PTPRN2: variants seen among roughly 807,000 people sequenced by gnomAD.
PTPRN2 encodes protein tyrosine phosphatase receptor type N2.
PTPRN2 carries 74 observed loss-of-function variants against 118.8 expected under a neutral mutation model. That is an observed-to-expected ratio of 0.62 (90% CI 0.52 to 0.76). PTPRN2 has a LOEUF of 0.76. Among genes scored for constraint, PTPRN2 ranks in the 30% least tolerant of loss-of-function variants. The probability of loss-of-function intolerance (pLI) is 0.00; values close to 1 mark genes in which losing one functional copy is unlikely to be tolerated. For missense variants in PTPRN2, 1,481 were observed against 1,394.4 expected (o/e 1.06, Z -0.99); for synonymous variants, 641 against 608.0 (o/e 1.05, Z -0.80).
At chr7:157,762,795 A>C (rs1802220616) in intron 12 of PTPRN2, among the ~76,000 whole-genome samples, 1 of 152,050 alleles carries the variant, frequency 6.6e-6, no homozygotes, top group Non-Finnish European at 1.5e-5. Context: ...CAAAGGAGAG[A>C]GGTGGGAGCA....
At chr7:158,333,517 C>T (rs1157540339) in intron 2 of PTPRN2, among the ~76,000 whole-genome samples, 1 of 149,302 alleles carries the variant, frequency 6.7e-6, no homozygotes, top group Non-Finnish European at 1.5e-5. Context: ...CACACTCTCA[C>T]CATAAGACCT....
intron 3 of PTPRN2, among the ~76,000 whole-genome samples, chr7:158,241,413 T>C (rs988363345): frequency 6.6e-6 from 1 of 151,822 alleles, no homozygotes; most frequent in Non-Finnish European, 1.5e-5. Flanking sequence ...ACCCAGGAGG[T>C]TGAGGCAGGA....
chr7:157,882,307 A>G (rs1430127976), intron 12 of PTPRN2, among the ~76,000 whole-genome samples: 1 of 151,782 alleles, frequency 6.6e-6, no homozygotes, highest in East Asian at 1.9e-4. Context: ...CCCAAAAATG[A>G]CTATCAGAGA....
intron 12 of PTPRN2, among the ~76,000 whole-genome samples, chr7:157,709,493 G>A (rs1012526645): frequency 2.0e-4 from 30 of 152,140 alleles, no homozygotes; most frequent in African/African-American, 6.5e-4. Context: ...TCTAGAGCAC[G>A]AAGTGAGTGA....
At chr7:157,759,621 CG>C (rs1802014679) in intron 12 of PTPRN2, among the ~76,000 whole-genome samples, 2 of 152,172 alleles carry the variant, frequency 1.3e-5, no homozygotes, top group Admixed American at 1.3e-4. Context: ...GCTCACTGTC[CG>C]GGGCGGCCTG....
chr7:157,578,222 A>G, intron 17 of PTPRN2, 82 bp from the exon 18 acceptor site: 1 of 1,443,864 alleles, frequency 6.9e-7, no homozygotes, highest in Non-Finnish European at 9.3e-7. Flanking sequence ...TCGGAAGCAC[A>G]GTCCAAATTT....
intron 12 of PTPRN2, among the ~76,000 whole-genome samples, chr7:157,796,233 C>T (rs906863152): frequency 2.0e-5 from 3 of 152,228 alleles, no homozygotes; most frequent in Admixed American, 6.5e-5. Flanking sequence ...AGTATTGATG[C>T]GAGGACTTGT....
Position 158,072,242 on chromosome 7 carries a change from T to C in PTPRN2, c.1723+9056A>G, listed in dbSNP as rs147806804. 1.1e-4 allele frequency among the ~76,000 whole-genome samples: 17 copies of C among 152,284 alleles called. 1 individual carries two copies. In the East Asian group the frequency reaches 3.3e-3, roughly 29 times the overall value. The stretch of plus-strand genomic sequence containing the variant: ...TGTCCAATAATGCAAATACGTAGAA[T>C]GCTGTCCTGGCCGATAAGTCCGAGG... On this transcript the variant is annotated intron_variant, in intron 11 of 22. Coordinates refer to ENST00000389418, the MANE Select transcript of PTPRN2 (RefSeq NM_002847.5).
At chr7:157,706,789 A>G (rs1404814426) in intron 12 of PTPRN2, among the ~76,000 whole-genome samples, 1 of 152,078 alleles carries the variant, frequency 6.6e-6, no homozygotes, top group Non-Finnish European at 1.5e-5. Flanking sequence ...AATGCTGGGA[A>G]CTGGGTGAAT....
intron 10 of PTPRN2, among the ~76,000 whole-genome samples, chr7:158,102,954 C>A (rs1815362702): frequency 6.6e-6 from 1 of 152,150 alleles, no homozygotes; most frequent in South Asian, 2.1e-4. Context: ...AGAGCTGAGT[C>A]CTAGACAGGG....
chr7:157,979,544 C>A (rs1802981105), intron 11 of PTPRN2, among the ~76,000 whole-genome samples: 1 of 152,206 alleles, frequency 6.6e-6, no homozygotes. Flanking sequence ...CTAATGCAGA[C>A]ACTATGGGAG....
chr7:157,711,584 C>A (rs917460927), intron 12 of PTPRN2, among the ~76,000 whole-genome samples: 65 of 152,324 alleles, frequency 4.3e-4, no homozygotes, highest in African/African-American at 1.5e-3. Context: ...TTCCCTTCCT[C>A]AGGCCCACCT....
chr7:158,534,266 C>T (rs1293010174), intron 1 of PTPRN2, among the ~76,000 whole-genome samples: 34 of 132,042 alleles, frequency 2.6e-4, no homozygotes, highest in Non-Finnish European at 4.0e-4. Context: ...ACCCACGCCC[C>T]GGGCTCCGTC....
chr7:158,081,505 C>T (rs549631632), intron 10 of PTPRN2, 128 bp from the exon 11 acceptor site: 21 of 813,190 alleles, frequency 2.6e-5, no homozygotes, highest in East Asian at 1.9e-4. Flanking sequence ...TGGCTCCAGG[C>T]GTCGACTCCA....
intron 6 of PTPRN2, among the ~76,000 whole-genome samples, chr7:158,152,996 A>C (rs925892653): frequency 1.4e-5 from 2 of 147,186 alleles, no homozygotes; most frequent in African/African-American, 5.0e-5. Context: ...GCAGACCGAC[A>C]GACACCAGCA....
chr7:158,190,160 G>A (rs967580304), intron 5 of PTPRN2, among the ~76,000 whole-genome samples: 1 of 152,100 alleles, frequency 6.6e-6, no homozygotes, highest in Admixed American at 6.5e-5. Flanking sequence ...AGCTTCACAC[G>A]TGGCTCTCAT....
Position 157,903,070 on chromosome 7 carries a change from C to T in PTPRN2, c.1724-4333G>A, listed in dbSNP as rs1304904900. The stretch of plus-strand genomic sequence containing the variant: ...AGCAAATTAACGCAAAAGCAGAAAG[C>T]CACACGCTGCCACACACTCTCACAC... On this transcript the variant is annotated intron_variant, in intron 11 of 22. Coordinates refer to ENST00000389418, the MANE Select transcript of PTPRN2 (RefSeq NM_002847.5). The surrounding 1 kb of genome is among the most constrained non-coding windows in gnomAD (Gnocchi z 4.2). 5.3e-5 allele frequency among the ~76,000 whole-genome samples: 8 copies of T among 152,126 alleles called. No individual in the cohort carries two copies. Among genetic ancestry groups the T allele is most frequent in the Admixed American group, 1.3e-4 (2 of 15,272 alleles).
Position 158,565,997 on chromosome 7 carries a change from T to C in PTPRN2, c.112+21561A>G, listed in dbSNP as rs1465255806. 6.6e-6 allele frequency among the ~76,000 whole-genome samples: 1 copy of C among 152,222 alleles called. No homozygotes were observed. Among genetic ancestry groups the C allele is most frequent in the African/African-American group, 2.4e-5 (1 of 41,454 alleles). On this transcript the variant is annotated intron_variant, in intron 1 of 22. Transcript: ENST00000389418. The surrounding 1 kb of genome is among the most constrained non-coding windows in gnomAD (Gnocchi z 4.6). ...CTTTAAAAATCTCTCCCTGAGATTA[T>C]GGATAATTTTGATAACTTTGAGAAT...
Position 157,659,035 on chromosome 7 carries a change from C to A in PTPRN2, c.2002-2484G>T, listed in dbSNP as rs115394358. Among the ~76,000 whole-genome samples, 844 of 151,990 alleles carry A rather than the reference C, an allele frequency of 5.6e-3. 10 individuals are homozygous for A. The highest frequency in any genetic ancestry group is 0.019 in the African/African-American group (803 of 41,488). On this transcript the variant is annotated intron_variant, in intron 13 of 22. Coordinates refer to ENST00000389418, the MANE Select transcript of PTPRN2 (RefSeq NM_002847.5). ...GGGTGCCGGCTTCCTTGTGTCCATT[C>A]TCCCTTCACCCCGGGCTGCCGGCTT...
Sources: gnomAD v4.1 joint callset for allele counts (sites outside exome capture counted in the v4.1 genomes callset) on GRCh38, gnomAD v4.1.1 for gene constraint, Gnocchi (gnomAD v3.1) non-coding constraint, MANE v1.5 for transcripts, NCBI Gene and HGNC (gene_info 2026-07-23, HGNC 2026-07-21) for gene names.